PRDM5: variants seen among roughly 807,000 people sequenced by gnomAD.
PRDM5 encodes the protein PR/SET domain 5, also known as PR domain zinc finger protein 5.
A neutral mutation model predicts 81.2 loss-of-function variants in PRDM5; 56 were observed. That is an observed-to-expected ratio of 0.69 (90% CI 0.56 to 0.86). The LOEUF is 0.86. Among genes scored for constraint, PRDM5 ranks in the 40% least tolerant of loss-of-function variants. The pLI is 0.00. For synonymous variants in PRDM5, 267 were observed against 256.4 expected, an observed-to-expected ratio of 1.04 and a Z score of -0.39; for missense variants, 697 against 770.1, an observed-to-expected ratio of 0.91 and a Z score of 1.12.
At chr4:120,780,530 C>T (rs755921849) in intron 12 of PRDM5, among the ~76,000 whole-genome samples, 8 of 152,222 alleles carry the variant, frequency 5.3e-5, no homozygotes, top group East Asian at 1.9e-4. Flanking sequence ...TACTTTAAAA[C>T]GCATTATTGA....
intron 7 of PRDM5, among the ~76,000 whole-genome samples, chr4:120,815,214 C>T (rs764660055): frequency 3.3e-5 from 5 of 152,132 alleles, no homozygotes; most frequent in African/African-American, 4.8e-5. Flanking sequence ...CAAAAAACTA[C>T]GAAGGCAAGT....
At chr4:120,803,082 CG>C (rs1213279722) in intron 8 of PRDM5, among the ~76,000 whole-genome samples, 39 of 151,970 alleles carry the variant, frequency 2.6e-4, no homozygotes, top group Non-Finnish European at 8.8e-5. Context: ...GTAGCTGATT[CG>C]ATCAGCTGGA....
At chr4:120,858,022 T>C (rs1760080121) in intron 2 of PRDM5, among the ~76,000 whole-genome samples, 1 of 152,144 alleles carries the variant, frequency 6.6e-6, no homozygotes, top group African/African-American at 2.4e-5. Context: ...AAATTTGATT[T>C]AATGTATGGT....
intron 2 of PRDM5, among the ~76,000 whole-genome samples, chr4:120,890,518 T>C (rs568596110): frequency 6.6e-6 from 1 of 152,322 alleles, no homozygotes; most frequent in East Asian, 1.9e-4. Flanking sequence ...GATACATCTG[T>C]TTTTAGTTCA....
intron 7 of PRDM5, 36 bp downstream of exon 7, chr4:120,816,417 A>T: frequency 1.2e-6 from 2 of 1,614,080 alleles, no homozygotes; most frequent in Non-Finnish European, 1.7e-6. Context: ...GGGGAAAGGA[A>T]GCCCCTTCGG....
rs1578556594 is a variant in PRDM5 at position 120,693,554 on chromosome 4, A to G, written c.*1557T>C. 1 of 152,242 alleles carries G rather than the reference A, an allele frequency of 6.6e-6. No homozygotes were observed. Among genetic ancestry groups the G allele is most frequent in the Non-Finnish European group, 1.5e-5 (1 of 68,000 alleles). 9.4% of individuals were successfully genotyped at this position (152,242 alleles called of 1,614,324 possible). On this transcript the variant is annotated 3_prime_UTR_variant, in exon 16 of 16. Transcript: ENST00000264808. Reference sequence around the variant, plus strand: ...CTATAATTTTAGGATTTATGTTTTTAAAAGTTATCTCTTCTGAGTTTCAAA... The same window carrying G: ...CTATAATTTTAGGATTTATGTTTTTGAAAGTTATCTCTTCTGAGTTTCAAA...
chr4:120,915,174 A>G (rs1184001765), intron 1 of PRDM5, among the ~76,000 whole-genome samples: 1 of 152,218 alleles, frequency 6.6e-6, no homozygotes, highest in Non-Finnish European at 1.5e-5. Context: ...TTCAGTTTCC[A>G]CCAAGAAGGT....
At chr4:120,725,683 A>G (rs1471251853) in intron 14 of PRDM5, among the ~76,000 whole-genome samples, 1 of 151,382 alleles carries the variant, frequency 6.6e-6, no homozygotes, top group Non-Finnish European at 1.5e-5. Flanking sequence ...GGTGCAAACC[A>G]GAAAGCTCAT....
At chr4:120,750,833 G>A (rs2149141606) in intron 14 of PRDM5, among the ~76,000 whole-genome samples, 1 of 152,098 alleles carries the variant, frequency 6.6e-6, no homozygotes, top group East Asian at 1.9e-4. Flanking sequence ...GAGATTCACA[G>A]ATGGCCCTGA....
chr4:120,801,414 G>A (rs912808056), intron 8 of PRDM5, among the ~76,000 whole-genome samples: 3 of 152,226 alleles, frequency 2.0e-5, no homozygotes, highest in Admixed American at 6.5e-5. Flanking sequence ...TGCAGCCCAC[G>A]GCTTAATTCA....
rs1176198596 is a variant in PRDM5 at position 120,830,794 on chromosome 4, G to A, written c.301-9449C>T. Among the ~76,000 whole-genome samples the A allele has an allele frequency of 5.9e-5, 9 of 152,036 alleles. 1 individual carries two copies. Among genetic ancestry groups the A allele is most frequent in the African/African-American group, 2.2e-4 (9 of 41,414 alleles). ...CATAGCTTATAATCAGCCATACAGG[G>A]AGGAAACAGTTTAGTATGATTCCTA... On this transcript the variant is annotated intron_variant, in intron 3 of 15. Coordinates refer to ENST00000264808, the MANE Select transcript of PRDM5 (RefSeq NM_018699.4).
intron 8 of PRDM5, chr4:120,810,680 A>G (rs756541200): frequency 1.3e-5 from 2 of 152,200 alleles, no homozygotes; most frequent in African/African-American, 2.4e-5. Context: ...TCAGTGTCCC[A>G]TTTTATAAAT....
intron 2 of PRDM5, among the ~76,000 whole-genome samples, chr4:120,869,898 T>C (rs905991481): frequency 1.3e-5 from 2 of 151,900 alleles, no homozygotes; most frequent in African/African-American, 4.8e-5. Flanking sequence ...AATTAACCCA[T>C]GCATGAACTA....
At chr4:120,914,953 G>A (rs1723943892) in intron 1 of PRDM5, among the ~76,000 whole-genome samples, 1 of 152,090 alleles carries the variant, frequency 6.6e-6, no homozygotes, top group Non-Finnish European at 1.5e-5. Context: ...GCTAAGCTGT[G>A]GGTACACAAA....
chr4:120,809,133 T>G (rs1753460316), intron 8 of PRDM5, among the ~76,000 whole-genome samples: 2 of 151,958 alleles, frequency 1.3e-5, no homozygotes, highest in African/African-American at 4.8e-5. Context: ...CACCTCTCAT[T>G]ATCGCAAGGA....
At chr4:120,833,814 T>G (rs1009967116) in intron 3 of PRDM5, among the ~76,000 whole-genome samples, 1 of 152,078 alleles carries the variant, frequency 6.6e-6, no homozygotes, top group Non-Finnish European at 1.5e-5. Context: ...CTATAAAGTG[T>G]AAAAAGGACC....
At chr4:120,832,611 C>G (rs1022727948) in intron 3 of PRDM5, among the ~76,000 whole-genome samples, 4 of 152,136 alleles carry the variant, frequency 2.6e-5, no homozygotes, top group African/African-American at 9.7e-5. Flanking sequence ...CACCTTTGTG[C>G]AACCTCAGTA....
intron 2 of PRDM5, among the ~76,000 whole-genome samples, chr4:120,868,672 C>T (rs1433599816): frequency 1.3e-5 from 2 of 152,020 alleles, no homozygotes; most frequent in East Asian, 1.9e-4. Context: ...TATTTGGGAC[C>T]AAAGCTTCTT....
chr4:120,922,468 A>AGGGCGCGCGAGGTGCAG (rs768242130), intron 1 of PRDM5, 48 bp downstream of exon 1: 18 of 1,446,600 alleles, frequency 1.2e-5, no homozygotes, highest in Non-Finnish European at 1.6e-5. Context: ...CGGGAGGCAC[A>AGGGCGCGCGAGGTGCAG]GGGCGCGCGA....
Sources: gnomAD v4.1 joint callset for allele counts (sites outside exome capture counted in the v4.1 genomes callset) on GRCh38, gnomAD v4.1.1 for gene constraint, MANE v1.5 for transcripts, NCBI Gene and HGNC (gene_info 2026-07-23, HGNC 2026-07-21) for gene names.